Variants in L1TD1 observed in about 807,000 individuals in gnomAD.
L1TD1 encodes LINE1 type transposase domain containing 1, also known as LINE-1 type transposase domain-containing protein 1.
In L1TD1, 26 loss-of-function variants were observed where a neutral mutation model predicts 25.7. The ratio of observed to expected loss-of-function variants is 1.01; its 90% CI spans 0.74 to 1.40. The LOEUF is 1.40. L1TD1 is among the 40% of genes most tolerant of loss of function. The pLI, the probability that L1TD1 is intolerant of heterozygous loss-of-function variation, is 0.00. For synonymous variants in L1TD1, 421 were observed against 335.6 expected, an observed-to-expected ratio of 1.25 and a Z score of -2.78; for missense variants, 1,130 against 975.0, an observed-to-expected ratio of 1.16 and a Z score of -2.12.
In L1TD1 at chr1:62,208,081, C is replaced by CTT. The variant is rs78001503; in HGVS notation, c.1008+453_1008+454dup. The CTT allele has an allele frequency of 4.3e-3, 652 of 153,280 alleles. 5 individuals are homozygous for CTT. The highest frequency in any genetic ancestry group is 0.014 in the African/African-American group (593 of 41,226). 9.5% of individuals were successfully genotyped at this position (153,280 alleles called of 1,614,324 possible). The stretch of plus-strand genomic sequence containing the variant: ...ATTAAAAGTAATGATTTAAAGGGCA[C>CTT]TTTTTTTTTCTGTGAAGGTTTTATT... On this transcript the variant is annotated intron_variant, in intron 3 of 3. Transcript: ENST00000498273.
At chr1:62,206,132 G>GT (rs1557443963) in intron 2 of L1TD1, among the ~76,000 whole-genome samples, 1 of 152,118 alleles carries the variant, frequency 6.6e-6, no homozygotes, top group Admixed American at 6.6e-5. Context: ...TCAATTTTGC[G>GT]TAAGATTCTA....
Position 62,211,407 on chromosome 1 carries a change from C to T in L1TD1, c.*35C>T. The T allele has an allele frequency of 3.9e-6, 6 of 1,529,496 alleles. No homozygotes were observed. The highest frequency in any genetic ancestry group is 1.3e-5 in the South Asian group (1 of 75,954). The allele number at this position is 1,529,496 out of a possible 1,614,324, so 94.7% of individuals were successfully genotyped here. On this transcript the variant is annotated 3_prime_UTR_variant, in exon 4 of 4. Coordinates refer to ENST00000498273, the MANE Select transcript of L1TD1 (RefSeq NM_019079.5). ...GTGACTACAAACAATATGCTTTCCTCCCCCAGCATGCATCCAAAAATCAAC... is the reference window on the plus strand; with the variant it reads ...GTGACTACAAACAATATGCTTTCCTTCCCCAGCATGCATCCAAAAATCAAC...
chr1:62,198,144 CTCCTT>C (rs145693231), intron 2 of L1TD1, among the ~76,000 whole-genome samples: 5,352 of 152,148 alleles, frequency 0.035, 109 homozygotes, highest in Non-Finnish European at 0.05. Flanking sequence ...AGTTGGCATT[CTCCTT>C]TATTGTCCTC....
intron 2 of L1TD1, among the ~76,000 whole-genome samples, chr1:62,205,382 TCTCTCTTTCTCTCTCTCTCTC>T (rs1670717642): frequency 2.8e-5 from 2 of 72,206 alleles, no homozygotes; most frequent in Non-Finnish European, 5.7e-5. Context: ...TTTCTCTCTC[TCTCTCTTTCTCTCTCTCTCTC>T]TCTCTCTCTC....
rs1056453469 is a variant in L1TD1, at chr1:62,211,740, T to C, written c.*368T>C. 1.1e-4 allele frequency: 18 copies of C among 161,430 alleles called. No homozygotes were observed. Among genetic ancestry groups the C allele is most frequent in the Non-Finnish European group, 2.2e-4 (16 of 73,488 alleles). 10.0% of individuals were successfully genotyped at this position (161,430 alleles called of 1,614,324 possible). A position where few individuals can be genotyped will look rare whatever the true frequency, so the allele number is the denominator to read the frequency against. On this transcript the variant is annotated 3_prime_UTR_variant, in exon 4 of 4. Coordinates refer to ENST00000498273, the MANE Select transcript of L1TD1 (RefSeq NM_019079.5). ...CAGCACTTTGGGAGGCCGAGGCGGG[T>C]GGATCACGAGGTCAGGAGATCGAGA...
At position 62,210,273 on chromosome 1, in the gene L1TD1, A is replaced by G. The variant is rs114677020; in HGVS notation, c.1499A>G (p.Lys500Arg). Residue 500 changes from lysine to arginine, a missense_variant, in exon 4 of 4, where the codon AAA becomes AGA. Transcript: ENST00000498273. ...GTAAAGACTACCTCCCTGACTGAGA[A>G]AAAAGCCTCACGTAGACAAAAAGAA... The part of the protein sequence containing the change: ...GKVKTTSLTE[K>R]KASRRQKEIP... 886 of 1,614,158 alleles carry G rather than the reference A, an allele frequency of 5.5e-4. 4 individuals carry two copies. In the African/African-American group the frequency reaches 9.7e-3, roughly 18 times the overall value.
chr1:62,203,016 C>T lies in L1TD1; in HGVS notation c.-110-3503C>T, dbSNP rs539205353. The stretch of plus-strand genomic sequence containing the variant: ...TTTTTAAAAAAACTGGAGATGAGGT[C>T]TCACTGCATTGCTGAGGCTGGTCTC... On this transcript the variant is annotated intron_variant, in intron 2 of 3. Coordinates refer to ENST00000498273, the MANE Select transcript of L1TD1 (RefSeq NM_019079.5). Among the ~76,000 whole-genome samples the T allele has an allele frequency of 9.2e-5, 14 of 152,102 alleles. No individual in the cohort carries two copies. The South Asian group carries it at 2.3e-3, about 25-fold the overall frequency.
Position 62,211,693 on chromosome 1 carries a change from C to A in L1TD1, c.*321C>A, listed in dbSNP as rs146807813. 3 of 201,810 alleles carry A rather than the reference C, an allele frequency of 1.5e-5. No individual in the cohort carries two copies. The South Asian group carries it at 3.1e-4, about 21-fold the overall frequency. The allele number at this position is 201,810 out of a possible 1,614,324, so 12.5% of individuals were successfully genotyped here. On this transcript the variant is annotated 3_prime_UTR_variant, in exon 4 of 4. Coordinates refer to ENST00000498273, the MANE Select transcript of L1TD1 (RefSeq NM_019079.5). ...AGAATTTATATTATCTGGCTGGGCA[C>A]GGTGGCTCACACCTGTAATCCCAGC... is the stretch of plus-strand genomic sequence containing the variant.
Position 62,207,322 on chromosome 1 carries a change from G to A in L1TD1, c.694G>A (p.Glu232Lys). 6.4e-7 allele frequency: 1 copy of A among 1,551,012 alleles called. No individual in the cohort carries two copies. The highest frequency in any genetic ancestry group is 8.7e-7 in the Non-Finnish European group (1 of 1,146,794). Residue 232 changes from glutamate (E) to lysine (K), a missense_variant, in exon 3 of 4, where the codon GAA becomes AAA. By Grantham distance (56) the Glu-to-Lys change is moderately conservative (BLOSUM62 1). Transcript: ENST00000498273. ...AGAGGAGGTTTTAAAAGCCTCCAGA[G>A]AAGAAAAAGTGTTGATGGATGAAGG... ...NKEEVLKASR[E>K]EKVLMDEGAV...
Position 62,206,698 on chromosome 1 carries a change from T to C in L1TD1, c.70T>C (p.Tyr24His). Residue 24 changes from tyrosine (Y) to histidine (H), a missense_variant, in exon 3 of 4, where the codon TAT (tyrosine) becomes CAT (histidine). Coordinates refer to ENST00000498273, the MANE Select transcript of L1TD1 (RefSeq NM_019079.5). ...RLAKKKENIT[Y>H]MKREQLTETD... The stretch of plus-strand genomic sequence containing the variant: ...TGCAAAGAAAAAGGAAAATATCACC[T>C]ATATGAAAAGAGAGCAGTTAACAGA... The C allele has an allele frequency of 6.5e-7, 1 of 1,549,866 alleles. No homozygotes were observed. Among genetic ancestry groups the C allele is most frequent in the Non-Finnish European group, 8.7e-7 (1 of 1,146,476 alleles).
intron 2 of L1TD1, among the ~76,000 whole-genome samples, chr1:62,201,708 C>G (rs72679736): frequency 0.071 from 10,785 of 152,076 alleles, 495 homozygotes; most frequent in Admixed American, 0.13. Context: ...ACTTTCTTAA[C>G]TAAATACAGT....
At chr1:62,209,292 T>G (rs1229492005) in intron 3 of L1TD1, among the ~76,000 whole-genome samples, 2 of 148,964 alleles carry the variant, frequency 1.3e-5, no homozygotes, top group East Asian at 4.0e-4. Flanking sequence ...TTGGGGTCTT[T>G]TTTTTTTTTT....
intron 2 of L1TD1, among the ~76,000 whole-genome samples, chr1:62,202,248 C>G (rs6677497): frequency 0.36 from 54,121 of 151,090 alleles, 11,266 homozygotes; most frequent in Non-Finnish European, 0.48. Flanking sequence ...TGCGGTGAGC[C>G]GAGATCATGC....
chr1:62,204,344 C>T (rs1009314825), intron 2 of L1TD1, among the ~76,000 whole-genome samples: 3 of 152,034 alleles, frequency 2.0e-5, no homozygotes, highest in Non-Finnish European at 4.4e-5. Flanking sequence ...TATACATTTT[C>T]CTCAAAGCAC....
chr1:62,209,754 C>CTTTTT, intron 3 of L1TD1, 29 bp from the exon 4 acceptor site: 1 of 1,412,858 alleles, frequency 7.1e-7, no homozygotes, highest in Non-Finnish European at 9.5e-7. Context: ...ACAAATAACT[C>CTTTTT]TTTTTTTTCT....
chr1:62,198,633 A>C (rs1385156856), intron 2 of L1TD1, among the ~76,000 whole-genome samples: 1 of 152,144 alleles, frequency 6.6e-6, no homozygotes, highest in Non-Finnish European at 1.5e-5. Context: ...TCACAAGCCA[A>C]GGCAATGCAA....
rs1261055805 is a variant in L1TD1, at chr1:62,205,443, A to ATTTTT, written c.-110-1071_-110-1067dup. On this transcript the variant is annotated intron_variant, in intron 2 of 3. Transcript: ENST00000498273. Reference sequence around the variant, plus strand: ...TATATATATATATATATATATATATATTTTTTTTTAGACAGTCTTGCTGTG... The same window carrying ATTTTT: ...TATATATATATATATATATATATATATTTTTTTTTTTTTTAGACAGTCTTGCTGTG... Among the ~76,000 whole-genome samples the ATTTTT allele has an allele frequency of 1.7e-4, 11 of 63,664 alleles. 1 individual carries two copies. The highest frequency in any genetic ancestry group is 6.0e-4 in the South Asian group (1 of 1,654). The allele number at this position is 63,664 out of a possible 152,430, so 41.8% of individuals were successfully genotyped here. A position where few individuals can be genotyped will look rare whatever the true frequency, so the allele number is the denominator to read the frequency against.
chr1:62,205,379 CT>C, intron 2 of L1TD1, among the ~76,000 whole-genome samples: 1 of 81,260 alleles, frequency 1.2e-5, no homozygotes, highest in Non-Finnish European at 2.5e-5. Context: ...CTCTTTCTCT[CT>C]CTCTCTCTTT....
At chr1:62,206,372 TTCTAA>T (rs1670745050) in intron 2 of L1TD1, 142 bp from the exon 3 acceptor site, 1 of 216,180 alleles carries the variant, frequency 4.6e-6, no homozygotes. Context: ...AATTCTAATT[TTCTAA>T]TCTTACCCAT....
Sources: allele counts gnomAD v4.1 joint callset (sites outside exome capture counted in the v4.1 genomes callset), GRCh38; gene constraint gnomAD v4.1.1; transcripts MANE v1.5; gene names NCBI Gene and HGNC (gene_info 2026-07-23, HGNC 2026-07-21).